The following NFIA variants were observed in gnomAD, a reference collection of about 807,000 sequenced individuals.
The protein encoded by NFIA is nuclear factor 1 A-type.
A neutral mutation model predicts 62.8 loss-of-function variants in NFIA; 8 were observed. That is an observed-to-expected ratio of 0.13 (90% CI 0.07 to 0.23). The LOEUF (loss-of-function observed/expected upper bound fraction) is 0.23. Ranked by LOEUF, NFIA falls within the 10% of genes least tolerant of loss-of-function variation. The probability of loss-of-function intolerance (pLI) is 1.00; values close to 1 mark genes in which losing one functional copy is unlikely to be tolerated. For missense variants in NFIA, 410 were observed against 642.1 expected, an observed-to-expected ratio of 0.64 and a Z score of 3.91; for synonymous variants, 235 against 238.1, an observed-to-expected ratio of 0.99 and a Z score of 0.12.
At position 61,357,839 on chromosome 1, in the gene NFIA, C is replaced by T. The variant is rs919620483; in HGVS notation, c.819-1308C>T. On this transcript the variant is annotated intron_variant, in intron 5 of 10. Coordinates refer to ENST00000403491, the MANE Select transcript of NFIA (RefSeq NM_001134673.4). ...GAAGAGATTTCCCAACACGCACTCC[C>T]AGTAGATATGAAATCTACTCATCCT... is the stretch of plus-strand genomic sequence containing the variant. 2.6e-5 allele frequency among the ~76,000 whole-genome samples: 4 copies of T among 152,210 alleles called. No homozygotes were observed. The South Asian group carries it at 8.3e-4, about 32-fold the overall frequency.
intron 3 of NFIA, among the ~76,000 whole-genome samples, chr1:61,329,527 C>T (rs928594223): frequency 6.6e-6 from 1 of 151,872 alleles, no homozygotes. Context: ...GGATTACAGG[C>T]GCTCGCCACC....
intron 2 of NFIA, among the ~76,000 whole-genome samples, chr1:61,203,940 A>C (rs890676838): frequency 1.3e-5 from 2 of 152,198 alleles, no homozygotes; most frequent in African/African-American, 4.8e-5. Context: ...GCTTAACCCC[A>C]TATTTCAGGG....
intron 2 of NFIA, among the ~76,000 whole-genome samples, chr1:61,126,061 A>G (rs1018368224): frequency 1.3e-5 from 2 of 152,160 alleles, no homozygotes; most frequent in Admixed American, 6.5e-5. Context: ...ATAACCCTCA[A>G]GTTTACAAGT....
upstream of NFIA, among the ~76,000 whole-genome samples, chr1:61,081,343 T>C (rs982972074): frequency 1.3e-5 from 2 of 152,110 alleles, no homozygotes; most frequent in African/African-American, 4.8e-5. Flanking sequence ...AACAATACTT[T>C]AGCAAACCTA....
intron 3 of NFIA, among the ~76,000 whole-genome samples, chr1:61,326,570 G>A (rs1410446007): frequency 6.6e-6 from 1 of 152,148 alleles, no homozygotes; most frequent in Non-Finnish European, 1.5e-5. Context: ...AGACCTGGAG[G>A]GCCAGAGGCA....
intron 10 of NFIA, among the ~76,000 whole-genome samples, chr1:61,449,330 G>A (rs888605513): frequency 2.6e-5 from 4 of 152,176 alleles, no homozygotes; most frequent in South Asian, 2.1e-4. Context: ...TGGTAACCTC[G>A]GATACAGCTT....
intron 2 of NFIA, among the ~76,000 whole-genome samples, chr1:61,152,598 A>G (rs1215406693): frequency 6.6e-6 from 1 of 152,176 alleles, no homozygotes. Context: ...CTGGGCTATT[A>G]AAGTTTTCTC....
In NFIA at chr1:61,210,235, A is replaced by G. The variant is rs143223549; in HGVS notation, c.560-67285A>G. Among the ~76,000 whole-genome samples, 50 of 152,370 alleles carry G rather than the reference A, an allele frequency of 3.3e-4. 1 individual carries two copies. The East Asian group carries it at 7.5e-3, about 23-fold the overall frequency. ...TTTTCCTCAAGTGGAATAAGATTGC[A>G]AAAGGAAGGTTGGTAAGCTCAAAAG... is the stretch of plus-strand genomic sequence containing the variant. On this transcript the variant is annotated intron_variant, in intron 2 of 10. Transcript: ENST00000403491.
chr1:61,088,117 A>G lies in NFIA; in HGVS notation c.28-32A>G. 6.4e-7 allele frequency: 1 copy of G among 1,553,434 alleles called. No homozygotes were observed. The highest frequency in any genetic ancestry group is 8.7e-7 in the Non-Finnish European group (1 of 1,153,798). On this transcript the variant is annotated intron_variant, in intron 1 of 10. Transcript: ENST00000403491. The surrounding 1 kb of genome is among the most constrained non-coding windows in gnomAD (Gnocchi z 4.5). ...AGTTGTTTTCTTTTGTTTTCATTCT[A>G]CTTATATTTTTCTTTTTGTTCATTT... is the stretch of plus-strand genomic sequence containing the variant.
chr1:61,390,225 A>G (rs914525500), intron 7 of NFIA, among the ~76,000 whole-genome samples: 1 of 152,342 alleles, frequency 6.6e-6, no homozygotes, highest in Middle Eastern at 3.4e-3. Flanking sequence ...ATGGGCATGG[A>G]AAACAGAACA....
chr1:61,136,012 C>T (rs1647180256), intron 2 of NFIA, among the ~76,000 whole-genome samples: 1 of 152,100 alleles, frequency 6.6e-6, no homozygotes, highest in Non-Finnish European at 1.5e-5. Context: ...ATATATGTTG[C>T]TTATTGAAAG....
chr1:61,300,498 A>G (rs1659438861), intron 3 of NFIA, among the ~76,000 whole-genome samples: 1 of 152,130 alleles, frequency 6.6e-6, no homozygotes. Context: ...GGCTATTTCT[A>G]TATATTCTTC....
At chr1:61,406,770 T>C in intron 9 of NFIA, 43 bp downstream of exon 9, 2 of 1,526,012 alleles carry the variant, frequency 1.3e-6, no homozygotes, top group South Asian at 1.3e-5. Flanking sequence ...TCTAAAGCTG[T>C]ATGCACTGGA....
At chr1:61,086,917 G>A (rs1407489126) in intron 1 of NFIA, among the ~76,000 whole-genome samples, 1 of 152,028 alleles carries the variant, frequency 6.6e-6, no homozygotes, top group Non-Finnish European at 1.5e-5. Flanking sequence ...AAAAGCCATC[G>A]AATCTTTCTT....
At position 61,436,423 on chromosome 1, in the gene NFIA, T is replaced by C. The variant is rs1299690904; in HGVS notation, c.1512+9867T>C. Among the ~76,000 whole-genome samples the C allele has an allele frequency of 2.0e-5, 3 of 152,120 alleles. No individual in the cohort carries two copies. In the South Asian group the frequency reaches 6.2e-4, roughly 32 times the overall value. On this transcript the variant is annotated intron_variant, in intron 10 of 10. Transcript: ENST00000403491. Reference sequence around the variant, plus strand: ...TTGTGAAAATCCTATGCCCAAGAAATTGGCCTTACCGAATATTTCTACACT... The same window carrying C: ...TTGTGAAAATCCTATGCCCAAGAAACTGGCCTTACCGAATATTTCTACACT...
rs1557763008 is a variant in NFIA at position 61,406,673 on chromosome 1, A to G, written c.1366A>G (p.Thr456Ala). 6.2e-7 allele frequency: 1 copy of G among 1,612,546 alleles called. No individual in the cohort carries two copies. The highest frequency in any genetic ancestry group is 8.5e-7 in the Non-Finnish European group (1 of 1,179,466). The change falls in exon 9 of 11, where the codon ACA becomes GCA. Residue 456 changes from threonine (T) to alanine (A), a missense_variant. Coordinates refer to ENST00000403491, the MANE Select transcript of NFIA (RefSeq NM_001134673.4). Reference sequence around the variant, plus strand: ...GCCTGTGCCTCTGCCGGTGCCAGACACAAAGCCTCCAACCACGTCAACAGA... The same window carrying G: ...GCCTGTGCCTCTGCCGGTGCCAGACGCAAAGCCTCCAACCACGTCAACAGA... ...ARPVPLPVPD[T>A]KPPTTSTEGG... is the part of the protein sequence containing the mutation.
intron 2 of NFIA, among the ~76,000 whole-genome samples, chr1:61,231,100 G>A (rs1043372811): frequency 3.3e-5 from 5 of 152,302 alleles, no homozygotes; most frequent in Admixed American, 3.3e-4. Context: ...TCTCTAGCAT[G>A]TAGCTCAGTG....
At chr1:61,240,301 A>G (rs577287031) in intron 2 of NFIA, among the ~76,000 whole-genome samples, 5 of 152,060 alleles carry the variant, frequency 3.3e-5, no homozygotes, top group Non-Finnish European at 5.9e-5. Flanking sequence ...TCACCATTGA[A>G]ACTAGAATAC....
intron 7 of NFIA, among the ~76,000 whole-genome samples, chr1:61,387,292 G>A (rs1664741343): frequency 6.6e-6 from 1 of 151,966 alleles, no homozygotes; most frequent in South Asian, 2.1e-4. Flanking sequence ...TATTATGTTA[G>A]GAGCAAAGGA....
Sources: allele counts gnomAD v4.1 joint callset (sites outside exome capture counted in the v4.1 genomes callset), GRCh38; gene constraint gnomAD v4.1.1; non-coding constraint Gnocchi (gnomAD v3.1); transcripts MANE v1.5; gene names NCBI Gene and HGNC (gene_info 2026-07-23, HGNC 2026-07-21).